Variants in ARHGAP15 observed in about 807,000 individuals in gnomAD.
ARHGAP15 encodes the protein Rho GTPase activating protein 15.
Under a neutral mutation model 63.7 loss-of-function variants are expected in ARHGAP15, and 51 were observed. The ratio of observed to expected loss-of-function variants is 0.80; its 90% confidence interval spans 0.64 to 1.01. The LOEUF (loss-of-function observed/expected upper bound fraction) is 1.01. Among genes scored for constraint, ARHGAP15 ranks in the 50% least tolerant of loss-of-function variants. ARHGAP15 has a pLI of 0.00. For missense variants in ARHGAP15, 560 were observed against 564.6 expected (o/e 0.99, Z 0.08); for synonymous variants, 191 against 193.8 (o/e 0.99, Z 0.12).
At chr2:143,463,684 A>C (rs1691070716) in intron 8 of ARHGAP15, among the ~76,000 whole-genome samples, 1 of 152,132 alleles carries the variant, frequency 6.6e-6, no homozygotes, top group Non-Finnish European at 1.5e-5. Context: ...TGAACCCAGG[A>C]TGATTATACA....
In ARHGAP15 at chr2:143,736,414, AAAAC is replaced by A. The variant is rs554574403; in HGVS notation, c.1245-31568_1245-31565del. 5.3e-3 allele frequency among the ~76,000 whole-genome samples: 801 copies of A among 152,072 alleles called. 3 individuals are homozygous for A. The highest frequency in any genetic ancestry group is 8.0e-3 in the Non-Finnish European group (547 of 67,952). The stretch of plus-strand genomic sequence containing the variant: ...TCTGTCAAAAAAAAAAAAAAGCAAA[AAAAC>A]AAACAACACACCTATATGTGGAGAC... On this transcript the variant is annotated intron_variant, in intron 13 of 13. Transcript: ENST00000295095.
chr2:143,382,079 T>TCCTTTCCTTCCTTCCTCCCTCCCTC (rs1687079589), intron 6 of ARHGAP15, among the ~76,000 whole-genome samples: 2 of 145,628 alleles, frequency 1.4e-5, no homozygotes, highest in African/African-American at 5.2e-5. Flanking sequence ...CTTCCTTCCT[T>TCCTTTCCTTCCTTCCTCCCTCCCTC]CCTTTCCTTC....
intron 12 of ARHGAP15, among the ~76,000 whole-genome samples, chr2:143,645,734 C>T (rs1680840738): frequency 6.6e-6 from 1 of 152,078 alleles, no homozygotes; most frequent in Non-Finnish European, 1.5e-5. Context: ...ACTATTGAAG[C>T]ATCACGTGGT....
intron 8 of ARHGAP15, among the ~76,000 whole-genome samples, chr2:143,480,476 T>TTG (rs1558999786): frequency 1.3e-5 from 2 of 152,216 alleles, no homozygotes; most frequent in African/African-American, 4.8e-5. Flanking sequence ...TAATTGTCTA[T>TTG]TTTGTATTTC....
At position 143,673,314 on chromosome 2, in the gene ARHGAP15, T is replaced by C. The variant is rs144267326; in HGVS notation, c.1139-30105T>C. ...TTTATGGGCATAACACAATCTTTTT[T>C]TTAGACGGAGTCTCACTCTGTCACC... On this transcript the variant is annotated intron_variant, in intron 12 of 13. Transcript: ENST00000295095. 7.9e-5 allele frequency among the ~76,000 whole-genome samples: 12 copies of C among 152,208 alleles called. No homozygotes were observed. The East Asian group carries it at 2.3e-3, about 29-fold the overall frequency.
chr2:143,736,604 C>T (rs1685755670), intron 13 of ARHGAP15, among the ~76,000 whole-genome samples: 1 of 152,150 alleles, frequency 6.6e-6, no homozygotes, highest in African/African-American at 2.4e-5. Context: ...TTCATATCTA[C>T]AAATTATTAT....
At chr2:143,230,713 G>C (rs920705537) in intron 5 of ARHGAP15, among the ~76,000 whole-genome samples, 1 of 152,310 alleles carries the variant, frequency 6.6e-6, no homozygotes, top group Non-Finnish European at 1.5e-5. Flanking sequence ...TAAAGGCCTA[G>C]TGGGATAGCC....
chr2:143,377,659 C>T (rs536300349), intron 6 of ARHGAP15, among the ~76,000 whole-genome samples: 1 of 151,908 alleles, frequency 6.6e-6, no homozygotes, highest in South Asian at 2.1e-4. Flanking sequence ...TGTAATACAA[C>T]AAATACAGTG....
intron 6 of ARHGAP15, among the ~76,000 whole-genome samples, chr2:143,377,538 CT>C: frequency 6.6e-6 from 1 of 151,730 alleles, no homozygotes; most frequent in Non-Finnish European, 1.5e-5. Context: ...AAATTGGGAT[CT>C]GAAGCTAGTT....
At chr2:143,183,867 G>T (rs2105074804) in intron 2 of ARHGAP15, among the ~76,000 whole-genome samples, 1 of 152,188 alleles carries the variant, frequency 6.6e-6, no homozygotes, top group South Asian at 2.1e-4. Flanking sequence ...AAATGATCAA[G>T]TTGGCATGTC....
intron 6 of ARHGAP15, among the ~76,000 whole-genome samples, chr2:143,304,575 C>G (rs1214329352): frequency 6.6e-6 from 1 of 152,074 alleles, no homozygotes; most frequent in Non-Finnish European, 1.5e-5. Flanking sequence ...GCATGTTGTG[C>G]ACATGTACCC....
intron 13 of ARHGAP15, among the ~76,000 whole-genome samples, chr2:143,704,131 C>T (rs1422165024): frequency 6.6e-6 from 1 of 152,096 alleles, no homozygotes; most frequent in Non-Finnish European, 1.5e-5. Context: ...GGATCAGGAG[C>T]TGAAGTCCCA....
At chr2:143,469,186 C>G (rs750685555) in intron 8 of ARHGAP15, among the ~76,000 whole-genome samples, 3 of 152,036 alleles carry the variant, frequency 2.0e-5, no homozygotes, top group Non-Finnish European at 4.4e-5. Flanking sequence ...AACCTGTAGT[C>G]GACCCATTCA....
intron 12 of ARHGAP15, among the ~76,000 whole-genome samples, chr2:143,683,278 T>C (rs1683188250): frequency 6.6e-6 from 1 of 151,950 alleles, no homozygotes; most frequent in Non-Finnish European, 1.5e-5. Context: ...ATTCAGCAAA[T>C]GGGGATTTGA....
intron 12 of ARHGAP15, among the ~76,000 whole-genome samples, chr2:143,662,661 CT>C (rs1423193663): frequency 1.2e-5 from 1 of 80,454 alleles, no homozygotes; most frequent in African/African-American, 3.7e-5. Context: ...AAGTTGAAAA[CT>C]TTGAAAAAAA....
chr2:143,154,880 AT>A (rs1690018632), intron 1 of ARHGAP15, among the ~76,000 whole-genome samples: 1 of 151,900 alleles, frequency 6.6e-6, no homozygotes, highest in South Asian at 2.1e-4. Flanking sequence ...CATATTCTTT[AT>A]AAATACGATG....
chr2:143,432,134 C>A (rs1469232743), intron 6 of ARHGAP15, among the ~76,000 whole-genome samples: 2 of 151,968 alleles, frequency 1.3e-5, no homozygotes, highest in South Asian at 2.1e-4. Flanking sequence ...AATTTTGATT[C>A]TTTATCTTTA....
At chr2:143,486,779 G>A (rs1219993158) in intron 8 of ARHGAP15, among the ~76,000 whole-genome samples, 1 of 151,918 alleles carries the variant, frequency 6.6e-6, no homozygotes, top group Non-Finnish European at 1.5e-5. Context: ...TGAGGAGAGG[G>A]GACTAATGAA....
chr2:143,580,020 A>G (rs887492670), intron 11 of ARHGAP15, among the ~76,000 whole-genome samples: 2 of 147,242 alleles, frequency 1.4e-5, no homozygotes, highest in Non-Finnish European at 3.0e-5. Context: ...AAGAAAGAAC[A>G]CTGAGAGCTG....
Sources: allele counts gnomAD v4.1 joint callset (sites outside exome capture counted in the v4.1 genomes callset), GRCh38; gene constraint gnomAD v4.1.1; transcripts MANE v1.5; gene names NCBI Gene and HGNC (gene_info 2026-07-23, HGNC 2026-07-21).